Variants in NSRP1 observed in about 807,000 individuals in gnomAD.
NSRP1 encodes coiled-coil domain containing 55.
Under a neutral mutation model 54.7 loss-of-function variants are expected in NSRP1, and 24 were observed. That is an observed-to-expected ratio of 0.44 (90% CI 0.32 to 0.62). The LOEUF (loss-of-function observed/expected upper bound fraction) is 0.62, where lower values mean the gene tolerates loss of function less well. Ranked by LOEUF, NSRP1 falls within the 20% of genes least tolerant of loss-of-function variation. The pLI, the probability that NSRP1 is intolerant of heterozygous loss-of-function variation, is 0.06. For synonymous variants in NSRP1, 210 were observed against 213.8 expected (o/e 0.98, Z 0.15); for missense variants, 596 against 651.2 (o/e 0.92, Z 0.92).
chr17:30,151,426 A>G (rs1331254427), intron 2 of NSRP1, among the ~76,000 whole-genome samples: 2 of 152,220 alleles, frequency 1.3e-5, no homozygotes, highest in Non-Finnish European at 2.9e-5. Flanking sequence ...TATATGTATT[A>G]TATACTGTAT....
At position 30,118,119 on chromosome 17, in the gene NSRP1, C is replaced by T. The variant is rs745738753; in HGVS notation, c.60C>T (p.His20=). 1 of 1,613,740 alleles carries T rather than the reference C, an allele frequency of 6.2e-7. No homozygotes were observed. The highest frequency in any genetic ancestry group is 2.2e-5 in the East Asian group (1 of 44,848). ...LILPKKTQQL[H]PVLQKPSVFG... ...TGCCAAAGAAAACACAGCAGTTGCA[C>T]CCTGTTTTGCAAAAACCATCAGTGT... Residue 20 remains histidine (H), a synonymous_variant, in exon 2 of 7, where the codon CAC becomes CAT. Coordinates refer to ENST00000247026, the MANE Select transcript of NSRP1 (RefSeq NM_032141.4).
At chr17:30,153,042 G>A (rs1234277738) in intron 2 of NSRP1, among the ~76,000 whole-genome samples, 1 of 150,224 alleles carries the variant, frequency 6.7e-6, no homozygotes, top group African/African-American at 2.5e-5. Context: ...CCTCTCCTCA[G>A]TAGCTGGGAT....
chr17:30,184,749 A>T lies in NSRP1; in HGVS notation c.752A>T (p.Asp251Val). The change falls in exon 7 of 7, where the codon GAT (aspartate) becomes GTT (valine). Residue 251 changes from aspartate to valine, a missense_variant. Asp to Val is a radical substitution (Grantham distance 152, BLOSUM62 -3). Coordinates refer to ENST00000247026, the MANE Select transcript of NSRP1 (RefSeq NM_032141.4). ...EENPDADSDF[D>V]AKSSADDEIE... is the part of the protein sequence containing the mutation. ...AACCCAGATGCAGACAGTGACTTCG[A>T]TGCTAAGAGCAGTGCGGATGATGAA... is the stretch of plus-strand genomic sequence containing the variant. The T allele has an allele frequency of 6.2e-7, 1 of 1,614,170 alleles. No individual in the cohort carries two copies. Among genetic ancestry groups the T allele is most frequent in the Non-Finnish European group, 8.5e-7 (1 of 1,180,004 alleles).
chr17:30,136,226 G>C (rs189641825), intron 2 of NSRP1, among the ~76,000 whole-genome samples: 1 of 152,198 alleles, frequency 6.6e-6, no homozygotes, highest in East Asian at 1.9e-4. Context: ...ACCAGTCTGG[G>C]CTTTCCCCAC....
intron 3 of NSRP1, among the ~76,000 whole-genome samples, chr17:30,176,253 C>T (rs1271759979): frequency 6.6e-6 from 1 of 152,018 alleles, no homozygotes; most frequent in African/African-American, 2.4e-5. Flanking sequence ...TTAATAGTAA[C>T]ATATCTACTC....
intron 5 of NSRP1, 116 bp from the exon 6 acceptor site, chr17:30,180,792 C>A: frequency 1.6e-6 from 1 of 635,772 alleles, no homozygotes. Flanking sequence ...TGCAGTTTGC[C>A]AACTCCTGAT....
At chr17:30,149,638 G>A (rs1473093008) in intron 2 of NSRP1, among the ~76,000 whole-genome samples, 1 of 151,888 alleles carries the variant, frequency 6.6e-6, no homozygotes, top group East Asian at 1.9e-4. Context: ...CAAGACTAGC[G>A]GGGGAAACAT....
chr17:30,131,557 G>T (rs957378360), intron 2 of NSRP1, among the ~76,000 whole-genome samples: 1 of 146,868 alleles, frequency 6.8e-6, no homozygotes, highest in South Asian at 2.2e-4. Context: ...CTAAAAAAAT[G>T]CCTATACCAT....
At chr17:30,116,913 G>A (rs748979057) in intron 1 of NSRP1, 50 bp downstream of exon 1, 3 of 1,555,702 alleles carry the variant, frequency 1.9e-6, no homozygotes, top group Non-Finnish European at 2.6e-6. Context: ...AAACTACGGC[G>A]ACTGTATCTT....
chr17:30,160,591 T>G (rs1313044848), intron 2 of NSRP1, among the ~76,000 whole-genome samples: 1 of 152,246 alleles, frequency 6.6e-6, no homozygotes, highest in Non-Finnish European at 1.5e-5. Flanking sequence ...TATAGTTGTT[T>G]GTAGTAGTAT....
intron 3 of NSRP1, among the ~76,000 whole-genome samples, chr17:30,175,673 G>A (rs762981527): frequency 2.0e-5 from 3 of 152,014 alleles, no homozygotes; most frequent in Non-Finnish European, 2.9e-5. Context: ...CCAAAGTGTT[G>A]GGATTACAGG....
chr17:30,118,318 G>C (rs1374093722), intron 2 of NSRP1, 145 bp downstream of exon 2: 1 of 574,674 alleles, frequency 1.7e-6, no homozygotes, highest in East Asian at 2.8e-5. Flanking sequence ...AAGGTGTAAA[G>C]AAAGCAGCTC....
intron 2 of NSRP1, among the ~76,000 whole-genome samples, chr17:30,147,132 C>T (rs1419763307): frequency 1.4e-5 from 2 of 140,398 alleles, no homozygotes; most frequent in Admixed American, 7.1e-5. Flanking sequence ...CTTTTCTTTT[C>T]TTTTTTTTTT....
rs542934972 is a variant in NSRP1, at chr17:30,131,790, T to G, written c.114+13617T>G. Among the ~76,000 whole-genome samples, 7 of 152,320 alleles carry G rather than the reference T, an allele frequency of 4.6e-5. No individual in the cohort carries two copies. In the South Asian group the frequency reaches 1.5e-3, roughly 32 times the overall value. ...TAATGAATTATTTCTCGGTAACATG[T>G]GATGCTGTTTGATAGCATTTACCCA... On this transcript the variant is annotated intron_variant, in intron 2 of 6. Transcript: ENST00000247026.
intron 3 of NSRP1, among the ~76,000 whole-genome samples, chr17:30,176,093 TTG>T (rs1410205463): frequency 1.5e-3 from 192 of 131,138 alleles, no homozygotes; most frequent in African/African-American, 4.0e-3. Context: ...CTGTTTTTTT[TTG>T]TTGTTGTTGT....
At chr17:30,128,359 A>G (rs1386166879) in intron 2 of NSRP1, 2 of 152,102 alleles carry the variant, frequency 1.3e-5, no homozygotes, top group African/African-American at 2.4e-5. Flanking sequence ...AAAATACTCA[A>G]TTTTACTATA....
chr17:30,119,277 T>TG (rs2071575590), intron 2 of NSRP1, among the ~76,000 whole-genome samples: 1 of 151,818 alleles, frequency 6.6e-6, no homozygotes, highest in African/African-American at 2.4e-5. Flanking sequence ...TTTATTTTTT[T>TG]GTATTTTTAG....
chr17:30,142,173 C>G (rs533286195), intron 2 of NSRP1, among the ~76,000 whole-genome samples: 1 of 152,264 alleles, frequency 6.6e-6, no homozygotes, highest in South Asian at 2.1e-4. Context: ...TCCTTTCTCA[C>G]TGGTCTACAT....
chr17:30,166,145 G>A (rs1904724505), intron 2 of NSRP1, among the ~76,000 whole-genome samples: 1 of 152,054 alleles, frequency 6.6e-6, no homozygotes, highest in Non-Finnish European at 1.5e-5. Context: ...ATATAGAGGA[G>A]GAAACTGAAA....
Sources: allele counts gnomAD v4.1 joint callset (sites outside exome capture counted in the v4.1 genomes callset), GRCh38; gene constraint gnomAD v4.1.1; transcripts MANE v1.5; gene names NCBI Gene and HGNC (gene_info 2026-07-23, HGNC 2026-07-21).